PRSS33: variants seen among roughly 807,000 people sequenced by gnomAD.
PRSS33 encodes serine protease 33.
Under a neutral mutation model 26.7 loss-of-function variants are expected in PRSS33, and 32 were observed. That is an observed-to-expected ratio of 1.20 (90% CI 0.90 to 1.61). The LOEUF is 1.61. Among genes scored for constraint, PRSS33 ranks in the 40% most tolerant of loss-of-function variants. The pLI is 0.00. For synonymous variants in PRSS33, 192 were observed against 177.6 expected (o/e 1.08, Z -0.64); for missense variants, 450 against 396.3 (o/e 1.14, Z -1.15).
Position 2,785,099 on chromosome 16 carries a change from A to C in PRSS33, c.587T>G (p.Leu196Arg). 1 of 1,552,552 alleles carries C rather than the reference A, an allele frequency of 6.4e-7. No homozygotes were observed. Among genetic ancestry groups the C allele is most frequent in the Non-Finnish European group, 8.7e-7 (1 of 1,151,354 alleles). Residue 196 changes from leucine to arginine, a missense_variant, in exon 6 of 7, where the codon CTC becomes CGC. Physicochemically the swap from Leu to Arg is moderately radical, Grantham distance 102 (BLOSUM62 -2). Coordinates refer to ENST00000682474, the MANE Select transcript of PRSS33 (RefSeq NM_152891.3). ...GGGCACGTCCGCGCCCACGTGGTAG[A>C]GGCCGTCGCAGGTGCGCGAGTCCAG... ...PLLDSRTCDG[L>R]YHVGADVPQA...
In PRSS33 at chr16:2,785,491, C is replaced by T; in HGVS notation, c.398G>A (p.Arg133His). The change falls in exon 5 of 7, where the codon CGT becomes CAT. Residue 133 changes from arginine (R) to histidine (H), a missense_variant. Coordinates refer to ENST00000682474, the MANE Select transcript of PRSS33 (RefSeq NM_152891.3). ...ARGDLALLQL[R>H]RPVPLSARVQ... is the part of the protein sequence containing the mutation. ...GCGAGCGCTCAGGGGCACCGGGCGA[C>T]GCAGCTGCAGCAGTGCCAGGTCGCC... 2 of 1,518,648 alleles carry T rather than the reference C, an allele frequency of 1.3e-6. No individual in the cohort carries two copies. The highest frequency in any genetic ancestry group is 1.2e-5 in the South Asian group (1 of 82,134). The allele number at this position is 1,518,648 out of a possible 1,614,324, so 94.1% of individuals were successfully genotyped here. A position where few individuals can be genotyped will look rare whatever the true frequency, so the allele number is the denominator to read the frequency against.
intron 3 of PRSS33, 53 bp downstream of exon 3, chr16:2,786,036 C>A (rs368419153): frequency 1.2e-6 from 2 of 1,612,188 alleles, no homozygotes; most frequent in Non-Finnish European, 1.7e-6. Context: ...TGGGGAGACA[C>A]GGGGCCGAGG....
In PRSS33 at chr16:2,785,663, G is replaced by C; in HGVS notation, c.243-17C>G. The C allele has an allele frequency of 6.8e-7, 1 of 1,474,680 alleles. No individual in the cohort carries two copies. The allele number at this position is 1,474,680 out of a possible 1,614,324, so 91.3% of individuals were successfully genotyped here. A position where few individuals can be genotyped will look rare whatever the true frequency, so the allele number is the denominator to read the frequency against. ...AGTGCCCTCCTGCAGGACAGGAGCG[G>C]GGGACTACTTCCAGCACCGGGTCCT... On this transcript the variant is annotated splice_polypyrimidine_tract_variant and intron_variant, in intron 4 of 6. Transcript: ENST00000682474.
At position 2,784,722 on chromosome 16, in the gene PRSS33, A is replaced by G. The variant is rs1334632246; in HGVS notation, c.765T>C (p.Cys255=). The G allele has an allele frequency of 6.2e-7, 1 of 1,607,076 alleles. No individual in the cohort carries two copies. The highest frequency in any genetic ancestry group is 2.2e-5 in the East Asian group (1 of 44,640). ...LVGVVSWGKG[C]ALPNRPGVYT... is the part of the protein sequence containing the mutation. ...AGACCCCTGGACGGTTGGGCAGGGCACAACCCTTGCCCCAGCTCACCACGC... is the reference window on the plus strand; with the variant it reads ...AGACCCCTGGACGGTTGGGCAGGGCGCAACCCTTGCCCCAGCTCACCACGC... The change falls in exon 7 of 7, where the codon TGT becomes TGC. Residue 255 remains cysteine, a synonymous_variant. Coordinates refer to ENST00000682474, the MANE Select transcript of PRSS33 (RefSeq NM_152891.3).
At chr16:2,786,384 A>G in intron 2 of PRSS33, 118 bp downstream of exon 2, 1 of 1,225,626 alleles carries the variant, frequency 8.2e-7, no homozygotes. Context: ...GAGCCCTTGG[A>G]ATCAAGATTA....
At position 2,785,677 on chromosome 16, in the gene PRSS33, G is replaced by C. The variant is rs951645047; in HGVS notation, c.243-31C>G. 4 of 1,468,224 alleles carry C rather than the reference G, an allele frequency of 2.7e-6. No individual in the cohort carries two copies. The African/African-American group carries it at 5.7e-5, about 21-fold the overall frequency. The allele number at this position is 1,468,224 out of a possible 1,614,324, so 90.9% of individuals were successfully genotyped here. A position where few individuals can be genotyped will look rare whatever the true frequency, so the allele number is the denominator to read the frequency against. On this transcript the variant is annotated intron_variant, in intron 4 of 6. Transcript: ENST00000682474. ...GGACAGGAGCGGGGGACTACTTCCA[G>C]CACCGGGTCCTCGACCCCCTCCAGC...
Position 2,786,488 on chromosome 16 carries a change from C to T in PRSS33, c.46+14G>A, listed in dbSNP as rs370687323. 3.7e-5 allele frequency: 59 copies of T among 1,613,208 alleles called. No homozygotes were observed. The highest frequency in any genetic ancestry group is 4.5e-5 in the Non-Finnish European group (53 of 1,179,698). On this transcript the variant is annotated intron_variant, in intron 2 of 6. Transcript: ENST00000682474. ...TGTCTGCGGCCCTCACCCCCAGTCCCTGTCCCCACTCACCCAGCACCAGAA... is the reference window on the plus strand; with the variant it reads ...TGTCTGCGGCCCTCACCCCCAGTCCTTGTCCCCACTCACCCAGCACCAGAA...
chr16:2,785,853 C>T lies in PRSS33; in HGVS notation c.188G>A (p.Gly63Glu), dbSNP rs765691620. 6.2e-6 allele frequency: 10 copies of T among 1,608,604 alleles called. 1 individual carries two copies. The South Asian group carries it at 8.8e-5, about 14-fold the overall frequency. ...CCACTGGGGGGCGATGAGCGACCCC[C>T]CGCACACGTGTGCCCCACGATGCTG... ...SIQHRGAHVC[G>E]GSLIAPQWVL... Residue 63 changes from glycine to glutamate, a missense_variant, in exon 4 of 7, where the codon GGG becomes GAG. Transcript: ENST00000682474.
rs7202954 is a variant in PRSS33 at position 2,785,578 on chromosome 16, G to A, written c.311C>T (p.Thr104Met). ...CACCCGTCGCACGGGCACCGAGAGC[G>A]TGCGGGGCGAGGTGGAGCCCAGACG... is the stretch of plus-strand genomic sequence containing the variant. Reference protein sequence around the residue: ...ALRLGSTSPRTLSVPVRRVLL... With the variant: ...ALRLGSTSPRMLSVPVRRVLL... The change falls in exon 5 of 7, where the codon ACG becomes ATG. Residue 104 changes from threonine to methionine, a missense_variant. By Grantham distance (81) the Thr-to-Met change is moderately conservative. Transcript: ENST00000682474. 0.027 allele frequency: 41,130 copies of A among 1,525,100 alleles called. 4,622 individuals are homozygous for A. In the African/African-American group the frequency reaches 0.34, roughly 13 times the overall value. 94.5% of individuals were successfully genotyped at this position (1,525,100 alleles called of 1,614,324 possible).
Position 2,786,121 on chromosome 16 carries a change from C to T in PRSS33, c.47G>A (p.Gly16Glu). ...CLQVLLLLVL[G>E]AAGTQGRKSA... Reference sequence around the variant, plus strand: ...CTTCCTTCCCTGAGTCCCAGCAGCTCCTGGAGGAGGAAGCAGGGAAGGGAC... The same window carrying T: ...CTTCCTTCCCTGAGTCCCAGCAGCTTCTGGAGGAGGAAGCAGGGAAGGGAC... The change falls in exon 3 of 7, where the codon GGA becomes GAA. Residue 16 changes from glycine to glutamate, a missense_variant and splice_region_variant. Physicochemically the swap from Gly to Glu is moderately conservative, Grantham distance 98. Coordinates refer to ENST00000682474, the MANE Select transcript of PRSS33 (RefSeq NM_152891.3). 1.9e-6 allele frequency: 3 copies of T among 1,613,244 alleles called. No individual in the cohort carries two copies. Among genetic ancestry groups the T allele is most frequent in the Non-Finnish European group, 2.5e-6 (3 of 1,179,586 alleles).
intron 1 of PRSS33, 162 bp from the exon 2 acceptor site, chr16:2,786,766 G>A: frequency 1.8e-6 from 1 of 541,482 alleles, no homozygotes; most frequent in South Asian, 2.3e-5. Flanking sequence ...TCTGCCCAGG[G>A]CCCAGGTATG....
chr16:2,786,051 G>A, intron 3 of PRSS33, 38 bp downstream of exon 3: 1 of 1,612,698 alleles, frequency 6.2e-7, no homozygotes, highest in Non-Finnish European at 8.5e-7. Flanking sequence ...CCGAGGTCCA[G>A]GAGGGGCTGA....
rs977475992 is a variant in PRSS33 at position 2,784,313 on chromosome 16, G to A, written c.*331C>T. The A allele has an allele frequency of 9.6e-6, 2 of 207,774 alleles. No individual in the cohort carries two copies. Among genetic ancestry groups the A allele is most frequent in the Non-Finnish European group, 1.9e-5 (2 of 103,484 alleles). 12.9% of individuals were successfully genotyped at this position (207,774 alleles called of 1,614,324 possible). On this transcript the variant is annotated 3_prime_UTR_variant, in exon 7 of 7. Coordinates refer to ENST00000682474, the MANE Select transcript of PRSS33 (RefSeq NM_152891.3). The stretch of plus-strand genomic sequence containing the variant: ...AAAAAGATGGGCACACAGGCCAGAT[G>A]GGCAGCAATTGGTTTGCCCATCACT...
At chr16:2,787,462 TCCTCGTCCTCAC>T (rs1291116069) in intron 1 of PRSS33, among the ~76,000 whole-genome samples, 59 bp downstream of exon 1, 1 of 111,114 alleles carries the variant, frequency 9.0e-6, no homozygotes, top group Non-Finnish European at 1.9e-5. Context: ...CCTTCACCCC[TCCTCGTCCTCAC>T]CCTCATCCTC....
rs2150788980 is a variant in PRSS33 at position 2,784,988 on chromosome 16, G to A, written c.684+14C>T. On this transcript the variant is annotated intron_variant, in intron 6 of 6. Coordinates refer to ENST00000682474, the MANE Select transcript of PRSS33 (RefSeq NM_152891.3). The stretch of plus-strand genomic sequence containing the variant: ...GGGAGGGGACTCCGGAGGCTGGGGA[G>A]GCTGGGTGCACACCTGGCAGGCGTC... The A allele has an allele frequency of 1.3e-6, 2 of 1,596,234 alleles. No homozygotes were observed. The highest frequency in any genetic ancestry group is 1.7e-6 in the Non-Finnish European group (2 of 1,173,832).
In PRSS33 at chr16:2,786,817, A is replaced by G. The variant is rs530290229; in HGVS notation, c.-57-213T>C. On this transcript the variant is annotated intron_variant, in intron 1 of 6. Coordinates refer to ENST00000682474, the MANE Select transcript of PRSS33 (RefSeq NM_152891.3). ...AGATATTTGGGCATCCTTGGTCTCG[A>G]CAGAAGCCCTGGAGCCTAACCCCCC... is the stretch of plus-strand genomic sequence containing the variant. 3 of 378,572 alleles carry G rather than the reference A, an allele frequency of 7.9e-6. No homozygotes were observed. In the South Asian group the frequency reaches 1.1e-4, roughly 13 times the overall value. 23.5% of individuals were successfully genotyped at this position (378,572 alleles called of 1,614,324 possible).
At chr16:2,786,188 G>A in intron 2 of PRSS33, 67 bp from the exon 3 acceptor site, 3 of 1,368,736 alleles carry the variant, frequency 2.2e-6, no homozygotes, top group South Asian at 2.3e-5. Context: ...TTGGAGGGGA[G>A]GCCAGAGATG....
At chr16:2,785,685 T>TCCTCGACCCCCTCCAGCCCG in intron 4 of PRSS33, 39 bp from the exon 5 acceptor site, 1 of 1,466,432 alleles carries the variant, frequency 6.8e-7, no homozygotes. Flanking sequence ...CAGCACCGGG[T>TCCTCGACCCCCTCCAGCCCG]CCTCGACCCC....
At position 2,784,563 on chromosome 16, in the gene PRSS33, G is replaced by A; in HGVS notation, c.*81C>T. The A allele has an allele frequency of 1.4e-6, 2 of 1,379,564 alleles. No homozygotes were observed. The highest frequency in any genetic ancestry group is 2.0e-6 in the Non-Finnish European group (2 of 1,024,906). 85.5% of individuals were successfully genotyped at this position (1,379,564 alleles called of 1,614,324 possible). On this transcript the variant is annotated 3_prime_UTR_variant, in exon 7 of 7. Transcript: ENST00000682474. ...CTTGGCCTCGAGGCAGAAGGGATGT[G>A]GGGTATAGGCAGGTGCCTGGATGAA...
Sources: allele counts gnomAD v4.1 joint callset (sites outside exome capture counted in the v4.1 genomes callset), GRCh38; gene constraint gnomAD v4.1.1; transcripts MANE v1.5; gene names NCBI Gene and HGNC (gene_info 2026-07-23, HGNC 2026-07-21).